ADGRB3: variants seen among roughly 807,000 people sequenced by gnomAD.
ADGRB3 encodes adhesion G protein-coupled receptor B3, also known as brain-specific angiogenesis inhibitor 3.
ADGRB3 carries 37 observed loss-of-function variants against 193.4 expected under a neutral mutation model. The ratio of observed to expected loss-of-function variants is 0.19; its 90% CI spans 0.15 to 0.25. The LOEUF (loss-of-function observed/expected upper bound fraction) is 0.25, where lower values mean the gene tolerates loss of function less well. ADGRB3 is among the 10% of genes least tolerant of loss of function. The pLI, the probability that ADGRB3 is intolerant of heterozygous loss-of-function variation, is 1.00. For missense variants in ADGRB3, 1,637 were observed against 1,852.9 expected, an observed-to-expected ratio of 0.88 and a Z score of 2.14; for synonymous variants, 690 against 644.2, an observed-to-expected ratio of 1.07 and a Z score of -1.08.
chr6:69,278,916 T>G (rs1313648463), intron 20 of ADGRB3, among the ~76,000 whole-genome samples: 2 of 151,478 alleles, frequency 1.3e-5, no homozygotes, highest in African/African-American at 4.8e-5. Context: ...TAATATCATA[T>G]TTAGATATTA....
chr6:68,759,637 T>C (rs1207307259), intron 3 of ADGRB3, among the ~76,000 whole-genome samples: 1 of 152,110 alleles, frequency 6.6e-6, no homozygotes, highest in Non-Finnish European at 1.5e-5. Context: ...TCATATCAAA[T>C]TGGTTCTTTT....
intron 17 of ADGRB3, among the ~76,000 whole-genome samples, chr6:69,186,929 T>G (rs960073346): frequency 1.4e-5 from 2 of 147,350 alleles, no homozygotes; most frequent in African/African-American, 5.1e-5. Context: ...TAGCAAGGTT[T>G]TTTTTTTGTT....
At chr6:69,268,770 A>G (rs1321013355) in intron 20 of ADGRB3, among the ~76,000 whole-genome samples, 1 of 152,078 alleles carries the variant, frequency 6.6e-6, no homozygotes, top group Non-Finnish European at 1.5e-5. Context: ...TTTCACCTTG[A>G]CTTTATCACT....
intron 17 of ADGRB3, among the ~76,000 whole-genome samples, chr6:69,124,312 T>A (rs1219178753): frequency 1.3e-5 from 2 of 152,212 alleles, no homozygotes; most frequent in Non-Finnish European, 1.5e-5. Flanking sequence ...TTAACACTTC[T>A]GTTACATGAA....
chr6:68,983,245 C>A (rs1380535658), intron 10 of ADGRB3, among the ~76,000 whole-genome samples: 1 of 151,710 alleles, frequency 6.6e-6, no homozygotes, highest in Non-Finnish European at 1.5e-5. Context: ...TTATAACTTA[C>A]TACTGATTAT....
Position 69,180,118 on chromosome 6 carries a change from C to A in ADGRB3, c.2481-53172C>A, listed in dbSNP as rs539971311. 1.2e-4 allele frequency among the ~76,000 whole-genome samples: 18 copies of A among 152,316 alleles called. No homozygotes were observed. The South Asian group carries it at 3.7e-3, about 32-fold the overall frequency. On this transcript the variant is annotated intron_variant, in intron 17 of 31. Transcript: ENST00000370598. ...GCATGGAGCTGGGAAACCTCCTTGG[C>A]CCTGAGTTTTCTGTATGAGAATGGG...
intron 3 of ADGRB3, among the ~76,000 whole-genome samples, chr6:68,927,335 C>T (rs190697057): frequency 6.6e-6 from 1 of 152,044 alleles, no homozygotes; most frequent in Non-Finnish European, 1.5e-5. Flanking sequence ...ATCAACCACC[C>T]ATGAAGAATT....
rs147402086 is a variant in ADGRB3, at chr6:69,128,964, C to T, written c.2480+52926C>T. On this transcript the variant is annotated intron_variant, in intron 17 of 31. Coordinates refer to ENST00000370598, the MANE Select transcript of ADGRB3 (RefSeq NM_001704.3). ...TCTTCAGGCAACCGATAGACCAGTT[C>T]GTTTCAAGTTATAAGTCCTTTCCCC... 1.7e-3 allele frequency among the ~76,000 whole-genome samples: 262 copies of T among 152,248 alleles called. 1 individual carries two copies. The highest frequency in any genetic ancestry group is 7.9e-3 in the South Asian group (38 of 4,826).
intron 20 of ADGRB3, among the ~76,000 whole-genome samples, chr6:69,288,864 G>A (rs558879410): frequency 6.6e-6 from 1 of 152,256 alleles, no homozygotes; most frequent in East Asian, 1.9e-4. Flanking sequence ...ATATGTCAAG[G>A]TGGTGTTATT....
intron 20 of ADGRB3, among the ~76,000 whole-genome samples, chr6:69,288,773 C>G (rs1767605322): frequency 6.6e-6 from 1 of 152,066 alleles, no homozygotes; most frequent in African/African-American, 2.4e-5. Flanking sequence ...CTCAGGTCTT[C>G]TAGAAAATTT....
intron 3 of ADGRB3, among the ~76,000 whole-genome samples, chr6:68,701,736 G>A (rs923075393): frequency 6.6e-6 from 1 of 152,046 alleles, no homozygotes; most frequent in Non-Finnish European, 1.5e-5. Context: ...TTTTTCTTCT[G>A]TGCAGTGAAA....
intron 3 of ADGRB3, among the ~76,000 whole-genome samples, chr6:68,767,501 T>A (rs1766531990): frequency 6.6e-6 from 1 of 152,176 alleles, no homozygotes; most frequent in Non-Finnish European, 1.5e-5. Flanking sequence ...CCCTTCATGC[T>A]AAAAACTCTT....
intron 3 of ADGRB3, among the ~76,000 whole-genome samples, chr6:68,667,337 TG>T (rs1288489600): frequency 6.6e-6 from 1 of 151,888 alleles, no homozygotes; most frequent in African/African-American, 2.4e-5. Flanking sequence ...CAAAGCTACC[TG>T]GTGGTTTCAC....
intron 26 of ADGRB3, among the ~76,000 whole-genome samples, chr6:69,343,777 A>G (rs1769029130): frequency 6.6e-6 from 1 of 152,210 alleles, no homozygotes; most frequent in African/African-American, 2.4e-5. Flanking sequence ...ATCACAATAC[A>G]TAGTTTTAGC....
intron 17 of ADGRB3, among the ~76,000 whole-genome samples, chr6:69,194,283 C>T (rs1357469897): frequency 6.6e-6 from 1 of 151,966 alleles, no homozygotes; most frequent in African/African-American, 2.4e-5. Context: ...CTTAACTGTC[C>T]CTTGTACAGC....
chr6:69,044,829 CTG>C (rs1219545417), intron 13 of ADGRB3, among the ~76,000 whole-genome samples: 1 of 152,100 alleles, frequency 6.6e-6, no homozygotes, highest in Admixed American at 6.5e-5. Context: ...TTCAGGGACA[CTG>C]AGTCCTTTGA....
chr6:68,947,580 T>C (rs567177868), intron 6 of ADGRB3, among the ~76,000 whole-genome samples: 1 of 152,260 alleles, frequency 6.6e-6, no homozygotes, highest in East Asian at 1.9e-4. Context: ...ATTGATATGA[T>C]GGAGGAAAGT....
intron 3 of ADGRB3, among the ~76,000 whole-genome samples, chr6:68,866,925 C>T (rs758311461): frequency 3.9e-5 from 6 of 152,256 alleles, no homozygotes; most frequent in Admixed American, 2.0e-4. Context: ...TAGTCTTATG[C>T]ATTCACAAAG....
Position 68,936,612 on chromosome 6 carries a change from C to T in ADGRB3, c.962C>T (p.Pro321Leu), listed in dbSNP as rs1236563383. Residue 321 changes from proline (P) to leucine (L), a missense_variant, in exon 5 of 32, where the codon CCT becomes CTT. Around this residue, in one of 7 missense-constraint regions of ADGRB3, gnomAD observed 365 missense variants for 409.8 expected, o/e 0.89. Transcript: ENST00000370598. ...SQVRTRTCVS[P>L]YGTHCSGPLR... ...GTGCGAACCAGAACTTGTGTATCAC[C>T]TTACGGGACACACTGCAGCGGCCCA... is the stretch of plus-strand genomic sequence containing the variant. The T allele has an allele frequency of 3.1e-6, 5 of 1,613,872 alleles. No individual in the cohort carries two copies. The highest frequency in any genetic ancestry group is 4.2e-6 in the Non-Finnish European group (5 of 1,179,988).
Sources: allele counts gnomAD v4.1 joint callset (sites outside exome capture counted in the v4.1 genomes callset), GRCh38; gene constraint gnomAD v4.1.1; regional missense constraint gnomAD v4.1.1; transcripts MANE v1.5; gene names NCBI Gene and HGNC (gene_info 2026-07-23, HGNC 2026-07-21).